MGAT4C: variants seen among roughly 807,000 people sequenced by gnomAD.
MGAT4C encodes alpha-1,3-mannosyl-glycoprotein 4-beta-N-acetylglucosaminyltransferase C.
A neutral mutation model predicts 40.1 loss-of-function variants in MGAT4C; 19 were observed. The observed-to-expected ratio is 0.47, with a 90% CI of 0.33 to 0.70. The LOEUF is 0.70. Ranked by LOEUF, MGAT4C falls within the 30% of genes least tolerant of loss-of-function variation. The pLI is 0.02. For synonymous variants in MGAT4C, 181 were observed against 187.1 expected (o/e 0.97, Z 0.27); for missense variants, 491 against 563.2 (o/e 0.87, Z 1.30).
intron 1 of MGAT4C, among the ~76,000 whole-genome samples, chr12:86,206,567 G>A (rs1352785846): frequency 2.6e-5 from 4 of 152,086 alleles, no homozygotes; most frequent in Admixed American, 2.6e-4. Context: ...TCACTTTTCT[G>A]TCTGTCACTC....
intron 1 of MGAT4C, among the ~76,000 whole-genome samples, chr12:86,153,881 G>C (rs142324544): frequency 1.3e-5 from 2 of 152,042 alleles, no homozygotes; most frequent in Non-Finnish European, 2.9e-5. Context: ...TGTGAAAATA[G>C]ACTAATACAC....
intron 2 of MGAT4C, among the ~76,000 whole-genome samples, chr12:86,640,936 G>A (rs1177857020): frequency 6.6e-6 from 1 of 151,912 alleles, no homozygotes; most frequent in Admixed American, 6.6e-5. Context: ...TTAATCCTAA[G>A]TTCTAGTTTG....
intron 1 of MGAT4C, among the ~76,000 whole-genome samples, chr12:86,767,452 C>T (rs1414590629): frequency 4.6e-5 from 7 of 152,098 alleles, no homozygotes; most frequent in Non-Finnish European, 2.9e-5. Flanking sequence ...GAGGAACTGG[C>T]ACCATTCCTT....
intron 2 of MGAT4C, among the ~76,000 whole-genome samples, chr12:86,533,267 G>A (rs4612887): frequency 0.91 from 137,898 of 152,058 alleles, 62,693 homozygotes; most frequent in East Asian, 1. Flanking sequence ...TTCCAGTCTG[G>A]TAGTTCATCT....
chr12:86,182,717 C>T (rs988703509), intron 1 of MGAT4C, among the ~76,000 whole-genome samples: 2 of 152,092 alleles, frequency 1.3e-5, no homozygotes, highest in African/African-American at 4.8e-5. Flanking sequence ...CTTAGATTGA[C>T]ATAAAGCAGC....
intron 2 of MGAT4C, among the ~76,000 whole-genome samples, chr12:86,449,152 G>T (rs1035765321): frequency 1.3e-5 from 2 of 152,062 alleles, no homozygotes; most frequent in African/African-American, 4.8e-5. Flanking sequence ...TAACAATGCT[G>T]AATAAGTAAA....
chr12:86,299,273 G>T (rs10858409), intron 4 of MGAT4C, among the ~76,000 whole-genome samples: 3 of 152,004 alleles, frequency 2.0e-5, no homozygotes, highest in African/African-American at 7.3e-5. Context: ...CATGCCACCA[G>T]GCCCAGCTAT....
Position 86,386,370 on chromosome 12 carries a change from A to C in MGAT4C, c.-120+48787T>G, listed in dbSNP as rs1032262793. Among the ~76,000 whole-genome samples the C allele has an allele frequency of 7.2e-5, 11 of 152,234 alleles. No homozygotes were observed. The East Asian group carries it at 1.4e-3, about 19-fold the overall frequency. On this transcript the variant is annotated intron_variant, in intron 3 of 7. Transcript: ENST00000548651. Reference sequence around the variant, plus strand: ...CTTACCTCCTCCCACTAGACAATGAATACCTAAAAAAATGGGGCCTGCCTC... The same window carrying C: ...CTTACCTCCTCCCACTAGACAATGACTACCTAAAAAAATGGGGCCTGCCTC...
chr12:86,688,104 G>C (rs1165952258), intron 2 of MGAT4C, among the ~76,000 whole-genome samples: 2 of 141,492 alleles, frequency 1.4e-5, no homozygotes, highest in Non-Finnish European at 3.1e-5. Context: ...TGTCTTTTTT[G>C]ATCTTTGTTG....
chr12:86,322,859 T>A (rs1237514856), intron 4 of MGAT4C, among the ~76,000 whole-genome samples: 1 of 152,140 alleles, frequency 6.6e-6, no homozygotes, highest in Non-Finnish European at 1.5e-5. Flanking sequence ...ATATCAGTTT[T>A]AAATTTATAG....
intron 3 of MGAT4C, among the ~76,000 whole-genome samples, chr12:86,374,158 G>T (rs576914403): frequency 6.6e-6 from 1 of 152,190 alleles, no homozygotes; most frequent in South Asian, 2.1e-4. Flanking sequence ...AAAAATGAGA[G>T]ATGTGTTTAG....
intron 2 of MGAT4C, among the ~76,000 whole-genome samples, chr12:86,524,214 T>A (rs1958842211): frequency 6.6e-6 from 1 of 152,192 alleles, no homozygotes. Context: ...CCTGTTTTTG[T>A]AGTGGCTGAT....
chr12:86,271,589 G>A (rs1952950199), intron 4 of MGAT4C, among the ~76,000 whole-genome samples: 1 of 152,128 alleles, frequency 6.6e-6, no homozygotes, highest in African/African-American at 2.4e-5. Context: ...AAACAGTATA[G>A]AGATTTTCCA....
At chr12:86,029,917 A>G (rs1214901066) in intron 2 of MGAT4C, among the ~76,000 whole-genome samples, 1 of 151,860 alleles carries the variant, frequency 6.6e-6, no homozygotes, top group Non-Finnish European at 1.5e-5. Context: ...GACAGTATAG[A>G]AACAGTTATT....
chr12:86,739,465 T>C (rs1951032823), intron 1 of MGAT4C, among the ~76,000 whole-genome samples: 1 of 150,972 alleles, frequency 6.6e-6, no homozygotes. Context: ...TATATACAGT[T>C]AGCCCTCCAT....
intron 2 of MGAT4C, among the ~76,000 whole-genome samples, chr12:86,490,724 A>G (rs990583235): frequency 6.6e-6 from 1 of 152,166 alleles, no homozygotes; most frequent in Non-Finnish European, 1.5e-5. Flanking sequence ...AAGATCTACC[A>G]AGAAAATGGA....
At chr12:86,341,498 G>T (rs998138249) in intron 3 of MGAT4C, among the ~76,000 whole-genome samples, 2 of 152,160 alleles carry the variant, frequency 1.3e-5, no homozygotes, top group African/African-American at 4.8e-5. Flanking sequence ...TGAATCCAGG[G>T]GGCTGAGCAG....
At chr12:86,690,185 A>G (rs1475407582) in intron 2 of MGAT4C, among the ~76,000 whole-genome samples, 2 of 152,146 alleles carry the variant, frequency 1.3e-5, no homozygotes, top group African/African-American at 4.8e-5. Flanking sequence ...CCAGAGTCCC[A>G]GGTCGACTTC....
At position 86,675,330 on chromosome 12, in the gene MGAT4C, G is replaced by C. The variant is rs371736571; in HGVS notation, c.-229+51879C>G. Among the ~76,000 whole-genome samples, 14 of 152,204 alleles carry C rather than the reference G, an allele frequency of 9.2e-5. No individual in the cohort carries two copies. The East Asian group carries it at 1.5e-3, about 17-fold the overall frequency. ...CCACTACAGGGAATTGACTCTTATC[G>C]TGATGACTCCCAGCCTTCATCATGA... On this transcript the variant is annotated intron_variant, in intron 2 of 7. Coordinates refer to the MGAT4C transcript ENST00000548651.
Sources: allele counts gnomAD v4.1 joint callset (sites outside exome capture counted in the v4.1 genomes callset), GRCh38; gene constraint gnomAD v4.1.1; transcripts MANE v1.5; gene names NCBI Gene and HGNC (gene_info 2026-07-23, HGNC 2026-07-21).